WIF1: variants seen among roughly 807,000 people sequenced by gnomAD.
WIF1 encodes the protein Wnt inhibitory factor 1.
A neutral mutation model predicts 53.5 loss-of-function variants in WIF1; 35 were observed. The observed-to-expected ratio is 0.65, with a 90% confidence interval of 0.50 to 0.87. WIF1 has a LOEUF of 0.87. Ranked by LOEUF, WIF1 falls within the 40% of genes least tolerant of loss-of-function variation. The probability of loss-of-function intolerance (pLI) is 0.00; values close to 1 mark genes in which losing one functional copy is unlikely to be tolerated. For synonymous variants in WIF1, 171 were observed against 170.4 expected (o/e 1.00, Z -0.03); for missense variants, 467 against 476.8 (o/e 0.98, Z 0.19).
chr12:65,118,361 T>G (rs1371194324), intron 2 of WIF1, among the ~76,000 whole-genome samples: 1 of 152,208 alleles, frequency 6.6e-6, no homozygotes, highest in African/African-American at 2.4e-5. Context: ...TGGGATCACA[T>G]AACTTTAGTA....
intron 3 of WIF1, among the ~76,000 whole-genome samples, chr12:65,071,846 A>G (rs1014549312): frequency 3.9e-5 from 6 of 152,180 alleles, no homozygotes; most frequent in African/African-American, 1.2e-4. Flanking sequence ...ATTTCAATGA[A>G]TTATTATTTT....
chr12:65,098,257 G>A (rs926915725), intron 2 of WIF1, among the ~76,000 whole-genome samples: 2 of 152,054 alleles, frequency 1.3e-5, no homozygotes, highest in African/African-American at 4.8e-5. Flanking sequence ...TGAAAAATCT[G>A]TATCTGTAGT....
intron 2 of WIF1, among the ~76,000 whole-genome samples, chr12:65,092,294 G>A (rs1263436367): frequency 2.6e-5 from 4 of 151,764 alleles, no homozygotes; most frequent in Non-Finnish European, 5.9e-5. Flanking sequence ...AGGGGGTGGG[G>A]GGCTAGGGGA....
chr12:65,115,407 T>A (rs1883493824), intron 2 of WIF1, among the ~76,000 whole-genome samples: 1 of 152,168 alleles, frequency 6.6e-6, no homozygotes, highest in South Asian at 2.1e-4. Flanking sequence ...TATCCTAATG[T>A]TCGATTCTGA....
chr12:65,065,656 A>G (rs921099285), intron 6 of WIF1, among the ~76,000 whole-genome samples: 1 of 152,214 alleles, frequency 6.6e-6, no homozygotes, highest in African/African-American at 2.4e-5. Flanking sequence ...ACACTTTTAA[A>G]GAATAAAATT....
At chr12:65,088,416 T>C (rs1883074281) in intron 2 of WIF1, among the ~76,000 whole-genome samples, 1 of 152,166 alleles carries the variant, frequency 6.6e-6, no homozygotes, top group Non-Finnish European at 1.5e-5. Flanking sequence ...CCATCATTTA[T>C]GCCATCTGTG....
intron 3 of WIF1, among the ~76,000 whole-genome samples, chr12:65,070,176 A>C (rs1396180089): frequency 1.3e-5 from 2 of 152,170 alleles, no homozygotes; most frequent in African/African-American, 4.8e-5. Context: ...TTGGCAACCC[A>C]AAACTCCTCT....
chr12:65,054,763 T>C (rs1882498025), intron 9 of WIF1, among the ~76,000 whole-genome samples: 1 of 152,228 alleles, frequency 6.6e-6, no homozygotes, highest in Admixed American at 6.5e-5. Context: ...CTTAGTTTCA[T>C]GTGTCATTTC....
At chr12:65,104,068 G>A (rs985594141) in intron 2 of WIF1, among the ~76,000 whole-genome samples, 1 of 151,944 alleles carries the variant, frequency 6.6e-6, no homozygotes, top group Admixed American at 6.6e-5. Context: ...CCAGCCCACC[G>A]CCAAAAAAAT....
intron 7 of WIF1, among the ~76,000 whole-genome samples, chr12:65,059,932 G>A (rs971047494): frequency 4.6e-5 from 7 of 152,042 alleles, no homozygotes; most frequent in African/African-American, 9.7e-5. Context: ...GATTATAGGC[G>A]TGAGCCACTG....
intron 3 of WIF1, among the ~76,000 whole-genome samples, chr12:65,076,601 G>A (rs766687537): frequency 6.6e-6 from 1 of 152,076 alleles, no homozygotes; most frequent in African/African-American, 2.4e-5. Context: ...ATTTTGGTAC[G>A]CACATTAATC....
intron 2 of WIF1, among the ~76,000 whole-genome samples, chr12:65,096,306 C>G (rs531013657): frequency 2.6e-5 from 4 of 152,056 alleles, no homozygotes; most frequent in Non-Finnish European, 4.4e-5. Context: ...AAACCAAAAC[C>G]ACAATGAGAT....
chr12:65,094,414 G>A (rs994613535), intron 2 of WIF1, among the ~76,000 whole-genome samples: 1 of 152,120 alleles, frequency 6.6e-6, no homozygotes, highest in Non-Finnish European at 1.5e-5. Context: ...CCAAATGCCT[G>A]GGAAGCCATT....
rs1882430434 is a variant in WIF1, at chr12:65,050,930, G to C, written c.*419C>G. On this transcript the variant is annotated 3_prime_UTR_variant, in exon 10 of 10. Coordinates refer to ENST00000286574, the MANE Select transcript of WIF1 (RefSeq NM_007191.5). Reference sequence around the variant, plus strand: ...AAATGTAACAAACATCTAAATATCTGACAATAAAATCTGAAATGCTGTAAC... The same window carrying C: ...AAATGTAACAAACATCTAAATATCTCACAATAAAATCTGAAATGCTGTAAC... 2.2e-5 allele frequency: 5 copies of C among 227,650 alleles called. No individual in the cohort carries two copies. The Admixed American group carries it at 2.9e-4, about 13-fold the overall frequency. The allele number at this position is 227,650 out of a possible 1,614,324, so 14.1% of individuals were successfully genotyped here. A position where few individuals can be genotyped will look rare whatever the true frequency, so the allele number is the denominator to read the frequency against.
intron 2 of WIF1, among the ~76,000 whole-genome samples, chr12:65,104,965 G>T (rs1806483649): frequency 6.6e-6 from 1 of 152,162 alleles, no homozygotes; most frequent in South Asian, 2.1e-4. Flanking sequence ...AATTGGGGGT[G>T]TTTATCATAA....
intron 2 of WIF1, among the ~76,000 whole-genome samples, chr12:65,085,138 A>C (rs1344281264): frequency 3.3e-5 from 5 of 152,190 alleles, no homozygotes; most frequent in Non-Finnish European, 5.9e-5. Flanking sequence ...TTTGCCTTCT[A>C]TAAATTACAG....
At chr12:65,070,987 G>A (rs897861995) in intron 3 of WIF1, among the ~76,000 whole-genome samples, 5 of 152,006 alleles carry the variant, frequency 3.3e-5, no homozygotes, top group African/African-American at 1.2e-4. Context: ...TGTAATCCCA[G>A]CACTTTGGGA....
intron 8 of WIF1, among the ~76,000 whole-genome samples, chr12:65,055,727 A>G (rs1212653185): frequency 2.6e-5 from 4 of 152,226 alleles, no homozygotes; most frequent in African/African-American, 9.6e-5. Flanking sequence ...ATGGGCCTAG[A>G]TCGCGCCACT....
intron 2 of WIF1, among the ~76,000 whole-genome samples, chr12:65,085,135 T>C (rs1160262365): frequency 6.6e-6 from 1 of 152,206 alleles, no homozygotes; most frequent in East Asian, 1.9e-4. Context: ...CACTTTGCCT[T>C]CTATAAATTA....
Sources: gnomAD v4.1 joint callset for allele counts (sites outside exome capture counted in the v4.1 genomes callset) on GRCh38, gnomAD v4.1.1 for gene constraint, MANE v1.5 for transcripts, NCBI Gene and HGNC (gene_info 2026-07-23, HGNC 2026-07-21) for gene names.